The following TTI1 variants were observed in gnomAD, a reference collection of about 807,000 sequenced individuals.
The protein encoded by TTI1 is TELO2-interacting protein 1 homolog.
In TTI1, 52 loss-of-function variants were observed where a neutral mutation model predicts 85.4. That is an observed-to-expected ratio of 0.61 (90% CI 0.49 to 0.77). The LOEUF (loss-of-function observed/expected upper bound fraction) is 0.77. Ranked by LOEUF, TTI1 falls within the 30% of genes least tolerant of loss-of-function variation. The pLI is 0.00. For synonymous variants in TTI1, 512 were observed against 503.9 expected (o/e 1.02, Z -0.22); for missense variants, 1,173 against 1,296.0 (o/e 0.91, Z 1.46).
chr20:38,004,757 T>G (rs1332281242), intron 3 of TTI1, among the ~76,000 whole-genome samples: 2 of 152,240 alleles, frequency 1.3e-5, no homozygotes, highest in Non-Finnish European at 2.9e-5. Flanking sequence ...GAACATCAAC[T>G]AACACCAGAA....
At chr20:38,019,993 G>A (rs2073740203) in intron 1 of TTI1, among the ~76,000 whole-genome samples, 1 of 152,032 alleles carries the variant, frequency 6.6e-6, no homozygotes, top group Non-Finnish European at 1.5e-5. Flanking sequence ...AATCCCAGTA[G>A]GATTTCTGCA....
chr20:38,013,479 G>A lies in TTI1; in HGVS notation c.338C>T (p.Ala113Val), dbSNP rs769389504. Residue 113 changes from alanine to valine, a missense_variant, in exon 2 of 8, where the codon GCG (alanine) becomes GTG (valine). Physicochemically the swap from Ala to Val is moderately conservative, Grantham distance 64. Transcript: ENST00000373447. ...CAATTTCAACTCCTCGGACACAGCC[G>A]CAGGTTTTTGGGAGCTGGGTGAATA... ...CLYSPSSQKP[A>V]AVSEELKLAV... 1.9e-5 allele frequency: 30 copies of A among 1,613,876 alleles called. No individual in the cohort carries two copies. Among genetic ancestry groups the A allele is most frequent in the East Asian group, 4.5e-5 (2 of 44,884 alleles).
intron 7 of TTI1, among the ~76,000 whole-genome samples, chr20:37,994,195 G>A (rs776037798): frequency 7.9e-5 from 12 of 152,250 alleles, no homozygotes; most frequent in Non-Finnish European, 1.3e-4. Context: ...GTACAGTGGT[G>A]CGGTCTTGGC....
At position 38,012,568 on chromosome 20, in the gene TTI1, A is replaced by G. The variant is rs1277283991; in HGVS notation, c.1249T>C (p.Phe417Leu). 6.2e-7 allele frequency: 1 copy of G among 1,614,130 alleles called. No individual in the cohort carries two copies. Among genetic ancestry groups the G allele is most frequent in the African/African-American group, 1.3e-5 (1 of 75,026 alleles). Reference sequence around the variant, plus strand: ...AGATGGGCCACAGAGTTGAGGACAAAGTTTATTTTTGGGCCCAAGAGTTTC... The same window carrying G: ...AGATGGGCCACAGAGTTGAGGACAAGGTTTATTTTTGGGCCCAAGAGTTTC... ...YLKLLGPKIN[F>L]VLNSVAHLQR... Residue 417 changes from phenylalanine (F) to leucine (L), a missense_variant, in exon 2 of 8, where the codon TTT becomes CTT. Coordinates refer to ENST00000373447, the MANE Select transcript of TTI1 (RefSeq NM_001303457.2).
intron 7 of TTI1, among the ~76,000 whole-genome samples, chr20:37,993,068 T>G (rs2073287430): frequency 1.3e-5 from 2 of 151,976 alleles, no homozygotes; most frequent in South Asian, 4.1e-4. Flanking sequence ...GCACATTTGT[T>G]ATCCATTGAA....
chr20:37,992,043 G>A (rs1256281585), intron 7 of TTI1, among the ~76,000 whole-genome samples: 1 of 152,170 alleles, frequency 6.6e-6, no homozygotes, highest in Admixed American at 6.5e-5. Flanking sequence ...ACACAATGGC[G>A]AGGCAGAGGG....
chr20:38,030,456 T>C (rs1280341014), intron 1 of TTI1, among the ~76,000 whole-genome samples: 1 of 151,940 alleles, frequency 6.6e-6, no homozygotes, highest in Non-Finnish European at 1.5e-5. Flanking sequence ...AAAAAATCTA[T>C]AGACCAATTT....
At chr20:37,986,795 A>G (rs533478530) in intron 7 of TTI1, among the ~76,000 whole-genome samples, 21 of 152,310 alleles carry the variant, frequency 1.4e-4, no homozygotes, top group African/African-American at 5.1e-4. Flanking sequence ...AATTAACACC[A>G]CCAATCTTAG....
At chr20:38,002,261 A>G (rs1027194069) in intron 4 of TTI1, among the ~76,000 whole-genome samples, 2 of 152,218 alleles carry the variant, frequency 1.3e-5, no homozygotes, top group Non-Finnish European at 2.9e-5. Flanking sequence ...ATGAAAACAG[A>G]GAGATAAGGG....
chr20:38,003,486 T>A (rs1480654718), intron 3 of TTI1, among the ~76,000 whole-genome samples: 1 of 152,112 alleles, frequency 6.6e-6, no homozygotes, highest in Non-Finnish European at 1.5e-5. Flanking sequence ...CATTAATGAA[T>A]ATTTAAGATA....
chr20:37,996,633 A>G lies in TTI1; in HGVS notation c.2998+116T>C, dbSNP rs2073343691. 3.6e-6 allele frequency: 5 copies of G among 1,383,560 alleles called. No individual in the cohort carries two copies. In the East Asian group the frequency reaches 1.2e-4, roughly 32 times the overall value. 85.7% of individuals were successfully genotyped at this position (1,383,560 alleles called of 1,614,324 possible). A position where few individuals can be genotyped will look rare whatever the true frequency, so the allele number is the denominator to read the frequency against. ...AATGGACAAATGAGGCCAAAATAAGACGGAAGGAGGTACACAGAGGGGAGG... is the reference window on the plus strand; with the variant it reads ...AATGGACAAATGAGGCCAAAATAAGGCGGAAGGAGGTACACAGAGGGGAGG... On this transcript the variant is annotated intron_variant, in intron 6 of 7. Coordinates refer to ENST00000373447, the MANE Select transcript of TTI1 (RefSeq NM_001303457.2).
At position 37,999,069 on chromosome 20, in the gene TTI1, T is replaced by G. The variant is rs902336401; in HGVS notation, c.2793+119A>C. ...TGTGCTTTTCTTATGTTTCTATACT[T>G]TCTTCACAGTATGTGACATTGCAAT... On this transcript the variant is annotated intron_variant, in intron 5 of 7. Coordinates refer to ENST00000373447, the MANE Select transcript of TTI1 (RefSeq NM_001303457.2). The G allele has an allele frequency of 2.6e-6, 3 of 1,133,210 alleles. No homozygotes were observed. In the East Asian group the frequency reaches 8.9e-5, roughly 33 times the overall value. The allele number at this position is 1,133,210 out of a possible 1,614,324, so 70.2% of individuals were successfully genotyped here. A position where few individuals can be genotyped will look rare whatever the true frequency, so the allele number is the denominator to read the frequency against.
At chr20:37,989,635 T>G (rs1191807663) in intron 7 of TTI1, among the ~76,000 whole-genome samples, 2 of 152,280 alleles carry the variant, frequency 1.3e-5, no homozygotes, top group Non-Finnish European at 2.9e-5. Context: ...AGTGGCATTC[T>G]GTGCTGAGCA....
chr20:38,030,461 C>G (rs977608092), intron 1 of TTI1, among the ~76,000 whole-genome samples: 5 of 151,132 alleles, frequency 3.3e-5, no homozygotes, highest in Non-Finnish European at 7.4e-5. Flanking sequence ...ATCTATAGAC[C>G]AATTTCTCTC....
intron 4 of TTI1, among the ~76,000 whole-genome samples, 173 bp from the exon 5 acceptor site, chr20:37,999,501 A>G (rs1355486456): frequency 2.6e-5 from 4 of 152,250 alleles, no homozygotes; most frequent in African/African-American, 9.6e-5. Flanking sequence ...CAGAGACAAA[A>G]TACACGTTTC....
Position 38,013,125 on chromosome 20 carries a change from A to G in TTI1, c.692T>C (p.Ile231Thr). 2 of 1,614,168 alleles carry G rather than the reference A, an allele frequency of 1.2e-6. No homozygotes were observed. The highest frequency in any genetic ancestry group is 1.7e-6 in the Non-Finnish European group (2 of 1,180,028). Residue 231 changes from isoleucine (I) to threonine (T), a missense_variant, in exon 2 of 8, where the codon ATT becomes ACT. Physicochemically the swap from Ile to Thr is moderately conservative, Grantham distance 89. Coordinates refer to ENST00000373447, the MANE Select transcript of TTI1 (RefSeq NM_001303457.2). ...ITGDFKQGHSIVVSSLKIFYK... is the reference protein window; with the variant it reads ...ITGDFKQGHSTVVSSLKIFYK... ...AAAGATCTTTAGGGAAGATACGACA[A>G]TGCTGTGACCTTGTTTAAAGTCTCC...
intron 1 of TTI1, among the ~76,000 whole-genome samples, chr20:38,014,592 G>A (rs560429062): frequency 1.3e-5 from 2 of 152,272 alleles, no homozygotes; most frequent in African/African-American, 2.4e-5. Flanking sequence ...AACATAAAGC[G>A]AAAGGGGGTA....
At chr20:38,018,806 C>T (rs1334483609) in intron 1 of TTI1, among the ~76,000 whole-genome samples, 2 of 149,238 alleles carry the variant, frequency 1.3e-5, no homozygotes, top group Non-Finnish European at 3.0e-5. Flanking sequence ...AATCTATGGA[C>T]TAGGGAACCA....
At chr20:38,007,396 C>T (rs1323341152) in intron 2 of TTI1, among the ~76,000 whole-genome samples, 3 of 152,152 alleles carry the variant, frequency 2.0e-5, no homozygotes, top group Non-Finnish European at 4.4e-5. Flanking sequence ...TCAAACTGTG[C>T]CTTGAGGAGC....
Sources: gnomAD v4.1 joint callset for allele counts (sites outside exome capture counted in the v4.1 genomes callset) on GRCh38, gnomAD v4.1.1 for gene constraint, MANE v1.5 for transcripts, NCBI Gene and HGNC (gene_info 2026-07-23, HGNC 2026-07-21) for gene names.